PRDM6: variants seen among roughly 807,000 people sequenced by gnomAD.
PRDM6 encodes putative histone-lysine N-methyltransferase PRDM6.
Under a neutral mutation model 60.8 loss-of-function variants are expected in PRDM6, and 25 were observed. That is an observed-to-expected ratio of 0.41 (90% CI 0.30 to 0.57). The LOEUF is 0.57. Among genes scored for constraint, PRDM6 ranks in the 20% least tolerant of loss-of-function variants. The pLI is 0.27. For missense variants in PRDM6, 839 were observed against 821.3 expected (o/e 1.02, Z -0.26); for synonymous variants, 407 against 357.4 (o/e 1.14, Z -1.57).
At chr5:123,164,551 T>C (rs1296507567) in intron 5 of PRDM6, among the ~76,000 whole-genome samples, 1 of 152,202 alleles carries the variant, frequency 6.6e-6, no homozygotes, top group Non-Finnish European at 1.5e-5. Context: ...TCTAGAGCTG[T>C]TGAAACCTGT....
chr5:123,151,969 C>A (rs1406536562), intron 3 of PRDM6, among the ~76,000 whole-genome samples: 2 of 151,950 alleles, frequency 1.3e-5, no homozygotes, highest in African/African-American at 2.4e-5. Flanking sequence ...TCTTTGAAAG[C>A]CTGTGCTGGT....
chr5:123,152,572 G>A (rs1443547305), intron 3 of PRDM6, among the ~76,000 whole-genome samples: 1 of 152,144 alleles, frequency 6.6e-6, no homozygotes, highest in African/African-American at 2.4e-5. Flanking sequence ...TTTGGAAGAT[G>A]GTATTATGCT....
At chr5:123,158,550 T>C (rs1393641631) in intron 4 of PRDM6, among the ~76,000 whole-genome samples, 1 of 152,186 alleles carries the variant, frequency 6.6e-6, no homozygotes, top group Non-Finnish European at 1.5e-5. Context: ...ATCTGCACTT[T>C]TTTATTGATC....
At chr5:123,159,679 C>A (rs1484989189) in intron 5 of PRDM6, 41 bp downstream of exon 5, 1 of 1,539,794 alleles carries the variant, frequency 6.5e-7, no homozygotes, top group Middle Eastern at 1.7e-4. Context: ...TTTCAATATA[C>A]CTATTTCAAA....
intron 3 of PRDM6, among the ~76,000 whole-genome samples, chr5:123,140,347 G>T (rs960619583): frequency 6.6e-6 from 1 of 151,676 alleles, no homozygotes; most frequent in Non-Finnish European, 1.5e-5. Flanking sequence ...AAATGATCTG[G>T]TTATTGCCAT....
At chr5:123,146,161 A>G (rs1241031188) in intron 3 of PRDM6, among the ~76,000 whole-genome samples, 1 of 152,202 alleles carries the variant, frequency 6.6e-6, no homozygotes, top group African/African-American at 2.4e-5. Flanking sequence ...CTTGGAAATC[A>G]TATTTTTCAG....
At chr5:123,184,877 G>A (rs1306099020) in intron 7 of PRDM6, among the ~76,000 whole-genome samples, 1 of 152,062 alleles carries the variant, frequency 6.6e-6, no homozygotes, top group Non-Finnish European at 1.5e-5. Context: ...CTTTCCTCAA[G>A]GAGAACTCCC....
intron 5 of PRDM6, among the ~76,000 whole-genome samples, chr5:123,167,795 T>C (rs1289627541): frequency 6.6e-6 from 1 of 152,222 alleles, no homozygotes; most frequent in Non-Finnish European, 1.5e-5. Context: ...TTCCTTTTCT[T>C]ACAGTGAGGC....
At chr5:123,116,472 A>G (rs1270557922) in intron 3 of PRDM6, among the ~76,000 whole-genome samples, 2 of 152,210 alleles carry the variant, frequency 1.3e-5, no homozygotes, top group African/African-American at 2.4e-5. Flanking sequence ...CTAGTTTCAA[A>G]CTAAGAAAGT....
At chr5:123,106,538 A>C (rs1764200826) in intron 3 of PRDM6, among the ~76,000 whole-genome samples, 1 of 152,228 alleles carries the variant, frequency 6.6e-6, no homozygotes, top group African/African-American at 2.4e-5. Context: ...ATGACAGGTA[A>C]TTTGTTCAAA....
intron 3 of PRDM6, among the ~76,000 whole-genome samples, chr5:123,150,161 C>T (rs1765342330): frequency 6.6e-6 from 1 of 152,026 alleles, no homozygotes; most frequent in Non-Finnish European, 1.5e-5. Flanking sequence ...TTTATATCAG[C>T]TCTTTGAGGT....
intron 3 of PRDM6, among the ~76,000 whole-genome samples, chr5:123,122,965 G>C (rs1764612504): frequency 6.6e-6 from 1 of 151,986 alleles, no homozygotes; most frequent in Non-Finnish European, 1.5e-5. Context: ...TTTTTCCCCT[G>C]GAATGGAAAT....
intron 3 of PRDM6, among the ~76,000 whole-genome samples, chr5:123,138,034 C>CCG (rs1554088095): frequency 6.6e-6 from 1 of 151,870 alleles, no homozygotes; most frequent in Non-Finnish European, 1.5e-5. Flanking sequence ...TTCACCCCCG[C>CCG]ACCTTTCAAA....
At chr5:123,118,856 G>A (rs756121220) in intron 3 of PRDM6, among the ~76,000 whole-genome samples, 4 of 152,020 alleles carry the variant, frequency 2.6e-5, no homozygotes, top group Non-Finnish European at 4.4e-5. Context: ...GTAACATCAC[G>A]CACAGGCACA....
intron 3 of PRDM6, among the ~76,000 whole-genome samples, chr5:123,145,983 CGGGTGAGCTCTA>C (rs1441963692): frequency 6.6e-6 from 1 of 152,126 alleles, no homozygotes; most frequent in African/African-American, 2.4e-5. Context: ...TAAAAAAAAG[CGGGTGAGCTCTA>C]GGGCATAGTG....
In PRDM6 at chr5:123,192,268, A is replaced by G. The variant is rs1463108848; in HGVS notation, c.*5067A>G. The G allele has an allele frequency of 6.6e-6, 1 of 152,210 alleles. No individual in the cohort carries two copies. The highest frequency in any genetic ancestry group is 1.5e-5 in the Non-Finnish European group (1 of 68,030). 9.4% of individuals were successfully genotyped at this position (152,210 alleles called of 1,614,324 possible). A position where few individuals can be genotyped will look rare whatever the true frequency, so the allele number is the denominator to read the frequency against. On this transcript the variant is annotated 3_prime_UTR_variant, in exon 8 of 8. Coordinates refer to ENST00000407847, the MANE Select transcript of PRDM6 (RefSeq NM_001136239.4). ...GTAACTCTATAACAAAGATACTATCATTATCCCCTTCTCATATATGCTTAA... is the reference window on the plus strand; with the variant it reads ...GTAACTCTATAACAAAGATACTATCGTTATCCCCTTCTCATATATGCTTAA...
At chr5:123,182,363 G>C (rs1467937676) in intron 7 of PRDM6, among the ~76,000 whole-genome samples, 1 of 152,258 alleles carries the variant, frequency 6.6e-6, no homozygotes, top group East Asian at 1.9e-4. Flanking sequence ...AGATACAGGA[G>C]GGTTCAGGAT....
chr5:123,170,388 A>G (rs994352720), intron 5 of PRDM6, among the ~76,000 whole-genome samples: 1 of 152,250 alleles, frequency 6.6e-6, no homozygotes, highest in Non-Finnish European at 1.5e-5. Context: ...GCTCAGGGCT[A>G]CCCTCTCTGG....
intron 5 of PRDM6, among the ~76,000 whole-genome samples, chr5:123,161,346 A>T (rs999855397): frequency 1.3e-5 from 2 of 152,254 alleles, no homozygotes; most frequent in African/African-American, 4.8e-5. Context: ...CATGGAGCTT[A>T]CATTTTAATG....
Sources: allele counts gnomAD v4.1 joint callset (sites outside exome capture counted in the v4.1 genomes callset), GRCh38; gene constraint gnomAD v4.1.1; transcripts MANE v1.5; gene names NCBI Gene and HGNC (gene_info 2026-07-23, HGNC 2026-07-21).